The following ZNF730 variants were observed in gnomAD, a reference collection of about 807,000 sequenced individuals.
The protein encoded by ZNF730 is putative zinc finger protein 730.
In ZNF730, 12 loss-of-function variants were observed where a neutral mutation model predicts 12.6. That is an observed-to-expected ratio of 0.95 (90% CI 0.61 to 1.54). The LOEUF (loss-of-function observed/expected upper bound fraction) is 1.54, where lower values mean the gene tolerates loss of function less well. ZNF730 is among the 40% of genes most tolerant of loss of function. ZNF730 has a pLI of 0.00. For synonymous variants in ZNF730, 194 were observed against 195.8 expected, an observed-to-expected ratio of 0.99 and a Z score of 0.08; for missense variants, 643 against 583.5, an observed-to-expected ratio of 1.10 and a Z score of -1.05.
chr19:23,142,446 G>A (rs189578000), intron 3 of ZNF730, among the ~76,000 whole-genome samples: 19 of 152,160 alleles, frequency 1.2e-4, no homozygotes, highest in African/African-American at 4.6e-4. Flanking sequence ...TACTTTGGGA[G>A]GCTGAGGCAG....
At chr19:23,096,514 G>GC (rs1348288121) in intron 1 of ZNF730, among the ~76,000 whole-genome samples, 1 of 152,188 alleles carries the variant, frequency 6.6e-6, no homozygotes, top group Non-Finnish European at 1.5e-5. Flanking sequence ...ACTGAGCCCA[G>GC]CACCTAGGTG....
chr19:23,117,076 T>C lies in ZNF730; in HGVS notation c.-98T>C, dbSNP rs1394302011. 2 of 1,588,302 alleles carry C rather than the reference T, an allele frequency of 1.3e-6. No homozygotes were observed. The highest frequency in any genetic ancestry group is 1.7e-6 in the Non-Finnish European group (2 of 1,162,742). ...CTCCAATTTTCGTCTGTCTGCTTTG[T>C]GTCCTCTGCACGTAGAAGCCCAGCC... On this transcript the variant is annotated 5_prime_UTR_variant, in exon 1 of 4. Coordinates refer to ENST00000597761, the MANE Select transcript of ZNF730 (RefSeq NM_001277403.2).
chr19:23,141,778 G>C (rs375760837), intron 3 of ZNF730, among the ~76,000 whole-genome samples: 256 of 152,144 alleles, frequency 1.7e-3, no homozygotes, highest in African/African-American at 6.0e-3. Context: ...GTCTATGAAG[G>C]AAAATGTTCT....
At chr19:23,099,779 G>A (rs1412185845) in intron 1 of ZNF730, among the ~76,000 whole-genome samples, 8 of 152,110 alleles carry the variant, frequency 5.3e-5, no homozygotes, top group African/African-American at 1.9e-4. Context: ...CTTCTTATAG[G>A]TGTGATTGTG....
chr19:23,085,836 CTTTTTTTTTTTTTTTTTTTT>C (rs556123915), intron 1 of ZNF730, among the ~76,000 whole-genome samples: 1 of 54,806 alleles, frequency 1.8e-5, no homozygotes, highest in African/African-American at 8.3e-5. Flanking sequence ...ATTTTTTTTT[CTTTTTTTTTTTTTTTTTTTT>C]TTTTTTTGAG....
At chr19:23,093,310 C>T (rs1034349799) in intron 1 of ZNF730, among the ~76,000 whole-genome samples, 5 of 152,154 alleles carry the variant, frequency 3.3e-5, no homozygotes, top group African/African-American at 1.2e-4. Flanking sequence ...TCAGTAGAAA[C>T]TGTACCAGCT....
chr19:23,114,574 G>T (rs1473762803), upstream of ZNF730, among the ~76,000 whole-genome samples: 1 of 151,008 alleles, frequency 6.6e-6, no homozygotes, highest in Admixed American at 6.6e-5. Context: ...GGATGGTCTC[G>T]ATCTCCTGAC....
chr19:23,091,468 C>T (rs1457216993), intron 1 of ZNF730, among the ~76,000 whole-genome samples: 1 of 152,080 alleles, frequency 6.6e-6, no homozygotes, highest in East Asian at 1.9e-4. Flanking sequence ...GCACTGTGCA[C>T]CTGGAAAAGC....
chr19:23,087,754 T>G (rs368613006), intron 1 of ZNF730, among the ~76,000 whole-genome samples: 38 of 151,840 alleles, frequency 2.5e-4, no homozygotes, highest in African/African-American at 7.5e-4. Context: ...TAGCTGGGAT[T>G]ACAGGCATGC....
chr19:23,097,207 C>T (rs1970266804), intron 1 of ZNF730, among the ~76,000 whole-genome samples: 1 of 152,164 alleles, frequency 6.6e-6, no homozygotes, highest in African/African-American at 2.4e-5. Flanking sequence ...AATGATGTTA[C>T]TCTTTGGCCT....
At chr19:23,082,109 A>G (rs1173804285) in intron 1 of ZNF730, among the ~76,000 whole-genome samples, 1 of 152,178 alleles carries the variant, frequency 6.6e-6, no homozygotes, top group Non-Finnish European at 1.5e-5. Context: ...ACTGTGTAAT[A>G]GAAAACCAGA....
At chr19:23,117,883 A>AT (rs948675957) in intron 1 of ZNF730, among the ~76,000 whole-genome samples, 4 of 147,956 alleles carry the variant, frequency 2.7e-5, no homozygotes, top group Admixed American at 6.7e-5. Flanking sequence ...TTTGAGTTAC[A>AT]TTTTTTTTTA....
At chr19:23,142,982 C>T (rs995437980) in intron 3 of ZNF730, among the ~76,000 whole-genome samples, 1 of 152,046 alleles carries the variant, frequency 6.6e-6, no homozygotes, top group Non-Finnish European at 1.5e-5. Context: ...TGGTGGCTCA[C>T]GCCTATAATC....
At chr19:23,092,529 C>T (rs553083449) in intron 1 of ZNF730, among the ~76,000 whole-genome samples, 90 of 152,204 alleles carry the variant, frequency 5.9e-4, no homozygotes, top group Non-Finnish European at 1.1e-3. Flanking sequence ...GCAGAGGTTG[C>T]GGTGAGCCAA....
chr19:23,139,420 AT>A (rs2145684964), intron 3 of ZNF730, among the ~76,000 whole-genome samples: 1 of 152,264 alleles, frequency 6.6e-6, no homozygotes, highest in African/African-American at 2.4e-5. Context: ...TTTATCTGAA[AT>A]TTTACTACCA....
chr19:23,084,952 A>C (rs1488584941), intron 1 of ZNF730, among the ~76,000 whole-genome samples: 3 of 152,132 alleles, frequency 2.0e-5, no homozygotes, highest in East Asian at 3.9e-4. Context: ...ATAATAGAAG[A>C]ATTTATATTC....
chr19:23,109,925 G>A (rs1304300820), intron 1 of ZNF730, among the ~76,000 whole-genome samples: 3 of 152,102 alleles, frequency 2.0e-5, no homozygotes, highest in Admixed American at 1.3e-4. Context: ...ACAAATTATT[G>A]TAGGCTGAAG....
intron 1 of ZNF730, among the ~76,000 whole-genome samples, chr19:23,133,629 A>G (rs1003182356): frequency 6.6e-6 from 1 of 152,226 alleles, no homozygotes; most frequent in South Asian, 2.1e-4. Flanking sequence ...GGCATGAGCC[A>G]CCGCACCAAG....
At chr19:23,080,189 A>G (rs957261011) in intron 1 of ZNF730, among the ~76,000 whole-genome samples, 8 of 152,152 alleles carry the variant, frequency 5.3e-5, no homozygotes, top group Non-Finnish European at 8.8e-5. Context: ...AGACTGAATA[A>G]TATCCTGTTG....
Sources: gnomAD v4.1 joint callset for allele counts (sites outside exome capture counted in the v4.1 genomes callset) on GRCh38, gnomAD v4.1.1 for gene constraint, MANE v1.5 for transcripts, NCBI Gene and HGNC (gene_info 2026-07-23, HGNC 2026-07-21) for gene names.